Variants in CPS1 observed in about 807,000 individuals in gnomAD.
CPS1 encodes carbamoyl-phosphate synthase 1.
Under a neutral mutation model 174.6 loss-of-function variants are expected in CPS1, and 109 were observed. The observed-to-expected ratio is 0.62, with a 90% confidence interval of 0.53 to 0.73. CPS1 has a LOEUF of 0.73. Ranked by LOEUF, CPS1 falls within the 30% of genes least tolerant of loss-of-function variation. CPS1 has a pLI of 0.00. For missense variants in CPS1, 1,689 were observed against 1,821.9 expected (o/e 0.93, Z 1.33); for synonymous variants, 637 against 632.0 (o/e 1.01, Z -0.12).
At chr2:210,521,449 A>G (rs1007358121) in intron 1 of CPS1, among the ~76,000 whole-genome samples, 4 of 151,540 alleles carry the variant, frequency 2.6e-5, no homozygotes, top group Non-Finnish European at 5.9e-5. Context: ...TGCTTCTACT[A>G]TTGGTTTATA....
At chr2:210,502,029 G>T (rs183442099) in intron 1 of CPS1, among the ~76,000 whole-genome samples, 1 of 152,218 alleles carries the variant, frequency 6.6e-6, no homozygotes, top group Non-Finnish European at 1.5e-5. Flanking sequence ...CTCCTCACAG[G>T]GTGGCAGGAG....
chr2:210,674,535 C>G (rs2105942245), intron 34 of CPS1: 1 of 204,372 alleles, frequency 4.9e-6, no homozygotes, highest in East Asian at 1.1e-4. Context: ...AACAGCTAGC[C>G]TGACTCGGTA....
chr2:210,593,041 A>T, intron 11 of CPS1, 85 bp downstream of exon 11: 4 of 1,166,816 alleles, frequency 3.4e-6, no homozygotes, highest in Non-Finnish European at 5.1e-6. Flanking sequence ...TAATCACCCC[A>T]GATGATCTTG....
At chr2:210,603,546 C>G (rs1284646072) in intron 16 of CPS1, among the ~76,000 whole-genome samples, 1 of 151,830 alleles carries the variant, frequency 6.6e-6, no homozygotes, top group Non-Finnish European at 1.5e-5. Context: ...ATGTTAGAGG[C>G]TCCAAATATT....
At chr2:210,497,893 C>CATACATACATATAT (rs373767668) in intron 1 of CPS1, among the ~76,000 whole-genome samples, 1 of 86,940 alleles carries the variant, frequency 1.2e-5, no homozygotes, top group African/African-American at 4.2e-5. Context: ...TATATACATA[C>CATACATACATATAT]ATATATATAT....
intron 24 of CPS1, among the ~76,000 whole-genome samples, chr2:210,641,417 C>A (rs920647556): frequency 5.3e-5 from 8 of 152,168 alleles, no homozygotes; most frequent in African/African-American, 1.9e-4. Flanking sequence ...GGAGCCACTA[C>A]AGCTAGCAAG....
At chr2:210,590,314 A>T (rs1698251991) in intron 8 of CPS1, 80 bp downstream of exon 8, 1 of 1,594,686 alleles carries the variant, frequency 6.3e-7, no homozygotes, top group African/African-American at 1.3e-5. Flanking sequence ...GCTGTGATAC[A>T]TTTTATTTAT....
At chr2:210,600,819 G>T in intron 15 of CPS1, 107 bp downstream of exon 15, 1 of 1,244,376 alleles carries the variant, frequency 8.0e-7, no homozygotes, top group Non-Finnish European at 1.2e-6. Flanking sequence ...ATACTTGCAT[G>T]CATTTTCTTC....
rs367807258 is a variant in CPS1 at position 210,577,415 on chromosome 2, T to G, written c.382-6T>G. ...ACCTCTTTAAAATGACTGTCTGTCTTTCTAGGTTTCAGGTTTGCTGGTGCT... is the reference window on the plus strand; with the variant it reads ...ACCTCTTTAAAATGACTGTCTGTCTGTCTAGGTTTCAGGTTTGCTGGTGCT... On this transcript the variant is annotated splice_polypyrimidine_tract_variant and splice_region_variant and intron_variant, in intron 3 of 37. Coordinates refer to ENST00000233072, the MANE Select transcript of CPS1 (RefSeq NM_001875.5). 6.8e-6 allele frequency: 11 copies of G among 1,610,868 alleles called. No individual in the cohort carries two copies. The African/African-American group carries it at 1.1e-4, about 16-fold the overall frequency.
At chr2:210,530,707 C>T (rs1034127532) in intron 1 of CPS1, among the ~76,000 whole-genome samples, 6 of 151,980 alleles carry the variant, frequency 3.9e-5, no homozygotes, top group Admixed American at 1.3e-4. Flanking sequence ...CTTACTGCAG[C>T]ATCGTAAATA....
rs1281780571 is a variant in CPS1, at chr2:210,513,173, T to A, written c.3+35407T>A. Among the ~76,000 whole-genome samples, 6 of 147,976 alleles carry A rather than the reference T, an allele frequency of 4.1e-5. 1 individual carries two copies. The highest frequency in any genetic ancestry group is 1.2e-4 in the African/African-American group (5 of 40,464). On this transcript the variant is annotated intron_variant, in intron 1 of 38. Coordinates refer to the CPS1 transcript ENST00000430249. Reference sequence around the variant, plus strand: ...GGAGATATATATATATGTATGGATATATATATATATCTCTCTCTCTCCATA... The same window carrying A: ...GGAGATATATATATATGTATGGATAAATATATATATCTCTCTCTCTCCATA...
At chr2:210,538,674 C>T (rs947469145) in intron 1 of CPS1, among the ~76,000 whole-genome samples, 3 of 151,900 alleles carry the variant, frequency 2.0e-5, no homozygotes, top group Non-Finnish European at 4.4e-5. Flanking sequence ...TCAAATTATC[C>T]AAAACATTTG....
chr2:210,634,309 C>T (rs1699963769), intron 21 of CPS1, among the ~76,000 whole-genome samples: 1 of 152,054 alleles, frequency 6.6e-6, no homozygotes, highest in Non-Finnish European at 1.5e-5. Flanking sequence ...GGACACCTGT[C>T]GTCCCAGCTA....
chr2:210,546,789 G>T (rs774209830), intron 1 of CPS1, among the ~76,000 whole-genome samples: 11 of 152,072 alleles, frequency 7.2e-5, no homozygotes, highest in Non-Finnish European at 1.6e-4. Context: ...CCACAGTAAG[G>T]TTCAGTTACG....
chr2:210,583,830 G>T (rs1304572053), intron 6 of CPS1, among the ~76,000 whole-genome samples: 3 of 152,042 alleles, frequency 2.0e-5, no homozygotes, highest in African/African-American at 4.8e-5. Context: ...AAGTAAAGCT[G>T]AATAAAAGAG....
intron 19 of CPS1, among the ~76,000 whole-genome samples, chr2:210,611,412 G>A (rs554579206): frequency 1.8e-4 from 28 of 151,958 alleles, no homozygotes; most frequent in African/African-American, 2.4e-4. Context: ...TTTATCCAGC[G>A]AAAATAACTG....
chr2:210,515,923 A>T (rs940483606), intron 1 of CPS1, among the ~76,000 whole-genome samples: 1 of 151,784 alleles, frequency 6.6e-6, no homozygotes, highest in African/African-American at 2.4e-5. Flanking sequence ...ATTTCAAGGA[A>T]ATTAAAAAAT....
intron 1 of CPS1, among the ~76,000 whole-genome samples, chr2:210,512,233 G>A (rs1402799520): frequency 1.3e-5 from 2 of 151,810 alleles, no homozygotes; most frequent in Non-Finnish European, 2.9e-5. Context: ...GGATTCAGAC[G>A]TTACATGTGC....
intron 24 of CPS1, among the ~76,000 whole-genome samples, chr2:210,641,006 G>A (rs2105899755): frequency 6.6e-6 from 1 of 152,306 alleles, no homozygotes; most frequent in African/African-American, 2.4e-5. Flanking sequence ...TGAGACATAG[G>A]TCTCTGCTTC....
Sources: gnomAD v4.1 joint callset for allele counts (sites outside exome capture counted in the v4.1 genomes callset) on GRCh38, gnomAD v4.1.1 for gene constraint, MANE v1.5 for transcripts, NCBI Gene and HGNC (gene_info 2026-07-23, HGNC 2026-07-21) for gene names.